Variants in BCKDHB observed in about 807,000 individuals in gnomAD.
BCKDHB encodes the protein branched chain keto acid dehydrogenase E1 subunit beta.
In BCKDHB, 41 loss-of-function variants were observed where a neutral mutation model predicts 48.5. The observed-to-expected ratio is 0.85, with a 90% CI of 0.66 to 1.10. BCKDHB has a LOEUF of 1.10. Among genes scored for constraint, BCKDHB ranks in the 50% least tolerant of loss-of-function variants. BCKDHB has a pLI of 0.00. For synonymous variants in BCKDHB, 201 were observed against 174.8 expected, an observed-to-expected ratio of 1.15 and a Z score of -1.18; for missense variants, 496 against 494.2, an observed-to-expected ratio of 1.00 and a Z score of -0.03.
intron 3 of BCKDHB, among the ~76,000 whole-genome samples, chr6:80,166,411 C>T (rs1024308830): frequency 5.9e-5 from 9 of 151,982 alleles, no homozygotes; most frequent in African/African-American, 1.2e-4. Flanking sequence ...ATCCCAGCAC[C>T]GTGGGAGGTC....
the BCKDHB span, among the ~76,000 whole-genome samples, chr6:80,457,763 C>T: frequency 1.4e-4 from 21 of 152,182 alleles, no homozygotes; most frequent in African/African-American, 5.1e-4. Flanking sequence ...ATTTGTGGCC[C>T]TCTTATGGCT....
At chr6:80,223,085 A>C (rs1196694484) in intron 8 of BCKDHB, among the ~76,000 whole-genome samples, 1 of 152,218 alleles carries the variant, frequency 6.6e-6, no homozygotes, top group Non-Finnish European at 1.5e-5. Context: ...AAAGTACAAA[A>C]GAATATAGTT....
intron 6 of BCKDHB, among the ~76,000 whole-genome samples, chr6:80,196,258 T>C (rs963602978): frequency 6.6e-6 from 1 of 152,214 alleles, no homozygotes; most frequent in African/African-American, 2.4e-5. Context: ...AATCTGATTT[T>C]GTAGATGTAT....
At chr6:80,268,403 G>A (rs1777602384) in intron 8 of BCKDHB, among the ~76,000 whole-genome samples, 1 of 152,004 alleles carries the variant, frequency 6.6e-6, no homozygotes, top group South Asian at 2.1e-4. Context: ...CTTGATTTCA[G>A]AAGGAACTGA....
intron 9 of BCKDHB, among the ~76,000 whole-genome samples, chr6:80,304,921 C>A (rs936451891): frequency 6.6e-6 from 1 of 151,992 alleles, no homozygotes; most frequent in African/African-American, 2.4e-5. Flanking sequence ...GGTTATCTAC[C>A]AAAAACCTGT....
intron 8 of BCKDHB, among the ~76,000 whole-genome samples, chr6:80,235,320 A>G (rs1326777471): frequency 6.6e-6 from 1 of 152,094 alleles, no homozygotes; most frequent in Non-Finnish European, 1.5e-5. Context: ...AAAAATAGCT[A>G]TTTCTTCTAA....
At chr6:80,404,158 T>G in the BCKDHB span, among the ~76,000 whole-genome samples, 1 of 151,996 alleles carries the variant, frequency 6.6e-6, no homozygotes, top group Non-Finnish European at 1.5e-5. Context: ...TGACACTAAG[T>G]CTTTAAATGT....
Position 80,168,854 on chromosome 6 carries a change from GTCTT to G in BCKDHB, c.478-13_478-10del, listed in dbSNP as rs1562104093. The G allele has an allele frequency of 2.5e-6, 4 of 1,613,764 alleles. No homozygotes were observed. The highest frequency in any genetic ancestry group is 2.2e-5 in the East Asian group (1 of 44,858). On this transcript the variant is annotated splice_polypyrimidine_tract_variant and intron_variant, in intron 4 of 9. Transcript: ENST00000320393. ...GGAAGGACTCATTGTGCCATGCCCC[GTCTT>G]TCTTTCTGACCCTCAGATTGTTAAT...
At chr6:80,138,359 T>A (rs1771001767) in intron 3 of BCKDHB, among the ~76,000 whole-genome samples, 1 of 152,120 alleles carries the variant, frequency 6.6e-6, no homozygotes, top group South Asian at 2.1e-4. Flanking sequence ...TAGTTACATA[T>A]GTATACATGT....
chr6:80,325,480 C>T (rs1451370321), intron 9 of BCKDHB, among the ~76,000 whole-genome samples: 1 of 152,152 alleles, frequency 6.6e-6, no homozygotes, highest in Non-Finnish European at 1.5e-5. Context: ...TCAAAGCCTC[C>T]TGCAAAATGA....
In BCKDHB at chr6:80,211,015, A is replaced by C. The variant is rs142516058; in HGVS notation, c.951+7803A>C. Among the ~76,000 whole-genome samples the C allele has an allele frequency of 1.9e-4, 29 of 152,280 alleles. 1 individual carries two copies. The East Asian group carries it at 5.4e-3, about 28-fold the overall frequency. ...TTCTTAAATAAGGAGAAATTCAGAG[A>C]AGGTGCCTTCAAAAATAAGAACTTG... On this transcript the variant is annotated intron_variant, in intron 8 of 9. Transcript: ENST00000320393.
chr6:80,380,743 AC>A, the BCKDHB span, among the ~76,000 whole-genome samples: 5 of 151,746 alleles, frequency 3.3e-5, no homozygotes, highest in African/African-American at 4.8e-5. Context: ...ACAAGAAAAA[AC>A]AAACAACCCC....
At chr6:80,455,474 A>G in the BCKDHB span, among the ~76,000 whole-genome samples, 1 of 151,590 alleles carries the variant, frequency 6.6e-6, no homozygotes, top group Non-Finnish European at 1.5e-5. Flanking sequence ...TCCTGATAAT[A>G]TGGCTCATGT....
intron 1 of BCKDHB, 113 bp downstream of exon 1, chr6:80,107,002 A>C: frequency 7.6e-7 from 1 of 1,324,052 alleles, no homozygotes. Context: ...CAGCTTATTA[A>C]CTTCCTGACT....
intron 9 of BCKDHB, among the ~76,000 whole-genome samples, chr6:80,319,822 A>T (rs1390133258): frequency 1.3e-5 from 2 of 152,218 alleles, no homozygotes; most frequent in East Asian, 3.8e-4. Flanking sequence ...CTTAAATAAA[A>T]GTGAAGTTCA....
At chr6:80,244,581 G>A (rs774937451) in intron 8 of BCKDHB, among the ~76,000 whole-genome samples, 6 of 152,180 alleles carry the variant, frequency 3.9e-5, no homozygotes, top group Non-Finnish European at 7.3e-5. Context: ...ATAACAGGCA[G>A]TTTGCTCATG....
At chr6:80,402,610 A>G in the BCKDHB span, among the ~76,000 whole-genome samples, 1 of 151,852 alleles carries the variant, frequency 6.6e-6, no homozygotes, top group South Asian at 2.1e-4. Flanking sequence ...TTTTAGATGG[A>G]TGTAATCACA....
At chr6:80,317,198 C>T (rs906585298) in intron 9 of BCKDHB, among the ~76,000 whole-genome samples, 1 of 152,128 alleles carries the variant, frequency 6.6e-6, no homozygotes, top group Admixed American at 6.5e-5. Context: ...TCTGTGTTTT[C>T]TATTGCTGCC....
At chr6:80,358,119 C>CA in the BCKDHB span, among the ~76,000 whole-genome samples, 1 of 151,720 alleles carries the variant, frequency 6.6e-6, no homozygotes, top group Non-Finnish European at 1.5e-5. Context: ...TTTTTTCTCT[C>CA]AAAATTTCTC....
Sources: allele counts gnomAD v4.1 joint callset (sites outside exome capture counted in the v4.1 genomes callset), GRCh38; gene constraint gnomAD v4.1.1; transcripts MANE v1.5; gene names NCBI Gene and HGNC (gene_info 2026-07-23, HGNC 2026-07-21).